Variants in ERI1 observed in about 807,000 individuals in gnomAD.
ERI1 encodes the protein 3'-5' exoribonuclease 1.
Under a neutral mutation model 39.7 loss-of-function variants are expected in ERI1, and 39 were observed. That is an observed-to-expected ratio of 0.98 (90% CI 0.76 to 1.28). ERI1 has a LOEUF of 1.28. Ranked by LOEUF, ERI1 falls within the 50% of genes most tolerant of loss-of-function variation. The pLI, the probability that ERI1 is intolerant of heterozygous loss-of-function variation, is 0.00. For synonymous variants in ERI1, 204 were observed against 149.6 expected (o/e 1.36, Z -2.65); for missense variants, 581 against 416.9 (o/e 1.39, Z -3.43).
chr8:9,061,478 G>A (rs958370635), intron 3 of ERI1, among the ~76,000 whole-genome samples: 3 of 152,238 alleles, frequency 2.0e-5, no homozygotes, highest in African/African-American at 7.2e-5. Context: ...GTTGACCATA[G>A]TTTGTGATTT....
chr8:9,038,309 C>T (rs1797914753), downstream of ERI1, among the ~76,000 whole-genome samples: 2 of 152,112 alleles, frequency 1.3e-5, no homozygotes, highest in Admixed American at 6.5e-5. Flanking sequence ...TTTCAGTTAC[C>T]CAAGGTGCAG....
chr8:9,030,824 C>G lies in ERI1; in HGVS notation c.*790C>G, dbSNP rs1481002856. 6.6e-6 allele frequency: 1 copy of G among 152,078 alleles called. No individual in the cohort carries two copies. The highest frequency in any genetic ancestry group is 2.4e-5 in the African/African-American group (1 of 41,402). The allele number at this position is 152,078 out of a possible 1,614,324, so 9.4% of individuals were successfully genotyped here. A position where few individuals can be genotyped will look rare whatever the true frequency, so the allele number is the denominator to read the frequency against. On this transcript the variant is annotated 3_prime_UTR_variant, in exon 7 of 7. Transcript: ENST00000250263. ...CTGAGGGACCATGCTTTGAAATAGACTGAAAATTAAGGGTCACCACCTAAT... is the reference window on the plus strand; with the variant it reads ...CTGAGGGACCATGCTTTGAAATAGAGTGAAAATTAAGGGTCACCACCTAAT...
intron 6 of ERI1, among the ~76,000 whole-genome samples, chr8:9,022,230 A>C (rs1294493841): frequency 8.5e-5 from 13 of 152,112 alleles, no homozygotes; most frequent in Admixed American, 7.9e-4. Context: ...GGTATCAGCT[A>C]TCTGGATTGC....
intron 3 of ERI1, among the ~76,000 whole-genome samples, chr8:9,061,797 T>A (rs1199486461): frequency 1.3e-5 from 2 of 149,692 alleles, no homozygotes; most frequent in Non-Finnish European, 3.0e-5. Flanking sequence ...ATGGGTGCTG[T>A]CCGTGAAGTT....
chr8:9,075,287 C>A (rs1210167226), intron 3 of ERI1, among the ~76,000 whole-genome samples: 1 of 152,160 alleles, frequency 6.6e-6, no homozygotes, highest in African/African-American at 2.4e-5. Flanking sequence ...AAAACCCAGT[C>A]TCTCCTTAGT....
Position 9,030,932 on chromosome 8 carries a change from T to G in ERI1, c.*898T>G, listed in dbSNP as rs775471156. 2.6e-5 allele frequency: 4 copies of G among 152,196 alleles called. No individual in the cohort carries two copies. The highest frequency in any genetic ancestry group is 4.4e-5 in the Non-Finnish European group (3 of 68,010). The allele number at this position is 152,196 out of a possible 1,614,324, so 9.4% of individuals were successfully genotyped here. A position where few individuals can be genotyped will look rare whatever the true frequency, so the allele number is the denominator to read the frequency against. On this transcript the variant is annotated 3_prime_UTR_variant, in exon 7 of 7. Coordinates refer to ENST00000250263, the MANE Select transcript of ERI1 (RefSeq NM_153332.4). Reference sequence around the variant, plus strand: ...TATTACGTTTTTGTTATTAAAAAACTTCATTGGCCACTAGTGAAGTTAGTC... The same window carrying G: ...TATTACGTTTTTGTTATTAAAAAACGTCATTGGCCACTAGTGAAGTTAGTC...
intron 3 of ERI1, among the ~76,000 whole-genome samples, chr8:9,060,405 G>A (rs966484898): frequency 1.8e-4 from 28 of 152,204 alleles, no homozygotes; most frequent in Non-Finnish European, 3.5e-4. Flanking sequence ...ATCCTGGTGG[G>A]GGGCGGGGGC....
At chr8:9,098,476 C>T (rs768552325) in intron 3 of ERI1, among the ~76,000 whole-genome samples, 48 of 152,296 alleles carry the variant, frequency 3.2e-4, no homozygotes, top group Non-Finnish European at 6.0e-4. Context: ...CGAAATGGCG[C>T]CTTTGCACTC....
At chr8:9,063,160 TAATAA>T (rs1392837689) in intron 3 of ERI1, among the ~76,000 whole-genome samples, 1 of 152,220 alleles carries the variant, frequency 6.6e-6, no homozygotes, top group African/African-American at 2.4e-5. Context: ...GCAGATTGGG[TAATAA>T]AATAAATGTA....
rs763340789 is a variant in ERI1, at chr8:9,018,307, A to G, written c.593A>G (p.Asp198Gly). ...SLTGITQDQV[D>G]RADTFPQVLK... is the part of the protein sequence containing the mutation. ...CTTTTATATCCTCAGGATCAGGTAGACAGAGCTGATACCTTCCCTCAGGTA... is the reference window on the plus strand; with the variant it reads ...CTTTTATATCCTCAGGATCAGGTAGGCAGAGCTGATACCTTCCCTCAGGTA... The change falls in exon 5 of 7, where the codon GAC becomes GGC. Residue 198 changes from aspartate to glycine, a missense_variant. Transcript: ENST00000250263. The G allele has an allele frequency of 6.2e-7, 1 of 1,607,810 alleles. No homozygotes were observed. The highest frequency in any genetic ancestry group is 8.5e-7 in the Non-Finnish European group (1 of 1,174,962).
At chr8:9,081,710 T>TGTTG (rs1159933767) in intron 3 of ERI1, among the ~76,000 whole-genome samples, 1 of 150,162 alleles carries the variant, frequency 6.7e-6, no homozygotes, top group Non-Finnish European at 1.5e-5. Context: ...GGTTTTTGTT[T>TGTTG]GTTTGTTTGT....
intron 3 of ERI1, among the ~76,000 whole-genome samples, chr8:9,095,801 C>T (rs562545902): frequency 1.2e-4 from 19 of 152,080 alleles, no homozygotes; most frequent in African/African-American, 2.4e-4. Flanking sequence ...GATTACACTG[C>T]GCTCGGCCAG....
chr8:9,064,216 C>T (rs1416701443), intron 3 of ERI1, among the ~76,000 whole-genome samples: 2 of 110,876 alleles, frequency 1.8e-5, no homozygotes, highest in Admixed American at 1.0e-4. Flanking sequence ...CGATACTTGC[C>T]GCTAAGGGTG....
intron 3 of ERI1, 73 bp downstream of exon 3, chr8:9,011,825 C>A: frequency 8.7e-7 from 1 of 1,144,612 alleles, no homozygotes; most frequent in Non-Finnish European, 1.2e-6. Context: ...ATGTGGAGGA[C>A]CTCATTTGCT....
At chr8:9,048,444 A>G (rs1488204975) in intron 3 of ERI1, 2 of 154,390 alleles carry the variant, frequency 1.3e-5, no homozygotes, top group African/African-American at 4.8e-5. Context: ...AAGACAGCCA[A>G]ACTCCTTCTG....
rs945593089 is a variant in ERI1, at chr8:9,031,351, C to G, written c.*1317C>G. The G allele has an allele frequency of 6.6e-6, 1 of 152,148 alleles. No homozygotes were observed. Among genetic ancestry groups the G allele is most frequent in the Non-Finnish European group, 1.5e-5 (1 of 68,024 alleles). 9.4% of individuals were successfully genotyped at this position (152,148 alleles called of 1,614,324 possible). A position where few individuals can be genotyped will look rare whatever the true frequency, so the allele number is the denominator to read the frequency against. ...GATTTCTTAAGCCAATGAATTTCTG[C>G]TTTTCAGCAGTAGTCATATAATCAG... On this transcript the variant is annotated 3_prime_UTR_variant, in exon 7 of 7. Coordinates refer to ENST00000250263, the MANE Select transcript of ERI1 (RefSeq NM_153332.4).
chr8:9,084,472 G>T (rs934128265), intron 3 of ERI1, among the ~76,000 whole-genome samples: 3 of 152,110 alleles, frequency 2.0e-5, no homozygotes, highest in Admixed American at 6.5e-5. Context: ...TTGTGTAGTT[G>T]CCTGCCTTCC....
chr8:9,081,474 G>T (rs1799362650), intron 3 of ERI1, among the ~76,000 whole-genome samples: 1 of 152,118 alleles, frequency 6.6e-6, no homozygotes. Context: ...TTTTTTTAAA[G>T]TGGATGCTGG....
At chr8:9,019,301 A>G (rs1325337663) in intron 5 of ERI1, among the ~76,000 whole-genome samples, 1 of 152,234 alleles carries the variant, frequency 6.6e-6, no homozygotes, top group African/African-American at 2.4e-5. Flanking sequence ...AGATGTCACC[A>G]ACATAGAGGG....
Sources: gnomAD v4.1 joint callset for allele counts (sites outside exome capture counted in the v4.1 genomes callset) on GRCh38, gnomAD v4.1.1 for gene constraint, MANE v1.5 for transcripts, NCBI Gene and HGNC (gene_info 2026-07-23, HGNC 2026-07-21) for gene names.